Variants in GPHN observed in about 807,000 individuals in gnomAD.
The protein encoded by GPHN is gephyrin.
In GPHN, 17 loss-of-function variants were observed where a neutral mutation model predicts 95.5. That is an observed-to-expected ratio of 0.18 (90% CI 0.12 to 0.27). The LOEUF (loss-of-function observed/expected upper bound fraction) is 0.27, where lower values mean the gene tolerates loss of function less well. GPHN is among the 10% of genes least tolerant of loss of function. The probability of loss-of-function intolerance (pLI) is 1.00; values close to 1 mark genes in which losing one functional copy is unlikely to be tolerated. For missense variants in GPHN, 660 were observed against 978.1 expected, an observed-to-expected ratio of 0.67 and a Z score of 4.34; for synonymous variants, 320 against 322.5, an observed-to-expected ratio of 0.99 and a Z score of 0.08.
the GPHN span, among the ~76,000 whole-genome samples, chr14:67,389,322 A>C: frequency 1.3e-5 from 2 of 152,102 alleles, no homozygotes; most frequent in Admixed American, 1.3e-4. Context: ...GGGCAGTCTC[A>C]GGGAGGACAG....
chr14:67,158,935 C>CT (rs1397779442), intron 18 of GPHN, among the ~76,000 whole-genome samples: 1 of 152,100 alleles, frequency 6.6e-6, no homozygotes, highest in Non-Finnish European at 1.5e-5. Flanking sequence ...ATGTATATGG[C>CT]TTTAAGATCA....
chr14:67,079,845 G>T (rs980916922), intron 11 of GPHN, among the ~76,000 whole-genome samples: 25 of 151,910 alleles, frequency 1.6e-4, no homozygotes, highest in Non-Finnish European at 3.7e-4. Context: ...ACCTATTAAT[G>T]AACATTTGAG....
At chr14:66,537,424 A>G (rs1435834855) in intron 1 of GPHN, among the ~76,000 whole-genome samples, 1 of 152,054 alleles carries the variant, frequency 6.6e-6, no homozygotes, top group African/African-American at 2.4e-5. Context: ...TAGTTATCTT[A>G]GAGATTTTAA....
intron 1 of GPHN, among the ~76,000 whole-genome samples, chr14:66,624,125 G>T (rs1429141753): frequency 6.6e-6 from 1 of 152,140 alleles, no homozygotes; most frequent in Non-Finnish European, 1.5e-5. Flanking sequence ...GCCATTGTAA[G>T]CTGTCACATA....
intron 9 of GPHN, among the ~76,000 whole-genome samples, chr14:66,999,673 C>T (rs776986869): frequency 2.0e-4 from 31 of 151,710 alleles, no homozygotes; most frequent in Non-Finnish European, 4.1e-4. Flanking sequence ...AAGAACTCAT[C>T]TTTCACGTTT....
At chr14:66,889,833 T>C (rs9972165) in intron 5 of GPHN, among the ~76,000 whole-genome samples, 4,665 of 151,870 alleles carry the variant, frequency 0.031, 231 homozygotes, top group African/African-American at 0.11. Flanking sequence ...CTAAAGTTGG[T>C]TCTTCAAAAA....
chr14:66,533,130 A>G (rs1334187965), intron 1 of GPHN, among the ~76,000 whole-genome samples: 1 of 152,152 alleles, frequency 6.6e-6, no homozygotes, highest in Non-Finnish European at 1.5e-5. Context: ...TTTTTTCCCC[A>G]TTACAGGCCT....
chr14:67,205,047 G>A, the GPHN span: 31 of 1,551,822 alleles, frequency 2.0e-5, no homozygotes, highest in Non-Finnish European at 2.7e-5. Context: ...TCACAGTGGT[G>A]TTTGAAAACA....
the GPHN span, among the ~76,000 whole-genome samples, chr14:67,407,029 C>G: frequency 6.6e-6 from 1 of 152,140 alleles, no homozygotes; most frequent in Non-Finnish European, 1.5e-5. Context: ...ACGAGGGGCC[C>G]ATAAGCTGGA....
chr14:67,008,538 AATTT>A (rs140066998), intron 9 of GPHN, among the ~76,000 whole-genome samples: 2 of 151,106 alleles, frequency 1.3e-5, no homozygotes, highest in African/African-American at 2.4e-5. Context: ...CTTTTTTTAA[AATTT>A]ATTTATTTAT....
the GPHN span, chr14:67,279,900 G>A: frequency 5.0e-6 from 1 of 201,002 alleles, no homozygotes; most frequent in Non-Finnish European, 9.9e-6. Context: ...TTAAAGTTTT[G>A]TAAAATAGTA....
At chr14:66,988,575 T>G (rs1594743059) in intron 9 of GPHN, among the ~76,000 whole-genome samples, 1 of 151,980 alleles carries the variant, frequency 6.6e-6, no homozygotes, top group Non-Finnish European at 1.5e-5. Context: ...AATAAGAAAA[T>G]TAGCAGTAAG....
chr14:67,605,156 G>A, the GPHN span, among the ~76,000 whole-genome samples: 1 of 152,032 alleles, frequency 6.6e-6, no homozygotes, highest in Admixed American at 6.6e-5. Context: ...TCAATCTAAG[G>A]GAGAATTGAC....
chr14:67,221,367 C>T, the GPHN span, among the ~76,000 whole-genome samples: 3 of 152,192 alleles, frequency 2.0e-5, no homozygotes, highest in African/African-American at 7.2e-5. Context: ...CCCCAGGTCT[C>T]TTTGAAACCC....
intron 9 of GPHN, among the ~76,000 whole-genome samples, chr14:67,021,154 AAAT>A (rs1376362093): frequency 1.3e-5 from 2 of 152,154 alleles, no homozygotes; most frequent in African/African-American, 4.8e-5. Flanking sequence ...CTACATGCAT[AAAT>A]AATAAACAAC....
the GPHN span, among the ~76,000 whole-genome samples, chr14:67,247,760 G>GTAGTC: frequency 2.0e-5 from 3 of 151,972 alleles, no homozygotes; most frequent in African/African-American, 7.3e-5. Flanking sequence ...TGTATTTTTA[G>GTAGTC]TAGAGACAGG....
intron 1 of GPHN, among the ~76,000 whole-genome samples, chr14:66,513,336 AAC>A (rs935256671): frequency 7.2e-5 from 11 of 151,820 alleles, no homozygotes; most frequent in Non-Finnish European, 1.6e-4. Context: ...ATACATTAAA[AAC>A]ACATACAACT....
chr14:67,249,948 A>G, the GPHN span, among the ~76,000 whole-genome samples: 9 of 152,276 alleles, frequency 5.9e-5, no homozygotes, highest in East Asian at 1.7e-3. Flanking sequence ...CCATATTTAG[A>G]TACTCATTTT....
At chr14:67,010,325 C>A (rs1384574752) in intron 9 of GPHN, among the ~76,000 whole-genome samples, 1 of 151,164 alleles carries the variant, frequency 6.6e-6, no homozygotes, top group Middle Eastern at 3.4e-3. Flanking sequence ...CTGAGGAGGG[C>A]GGATCACGAG....
Sources: gnomAD v4.1 joint callset for allele counts (sites outside exome capture counted in the v4.1 genomes callset) on GRCh38, gnomAD v4.1.1 for gene constraint, MANE v1.5 for transcripts, NCBI Gene and HGNC (gene_info 2026-07-23, HGNC 2026-07-21) for gene names.